The following EPM2A variants were observed in gnomAD, a reference collection of about 807,000 sequenced individuals.
The protein encoded by EPM2A is EPM2A glucan phosphatase, laforin.
Under a neutral mutation model 26.5 loss-of-function variants are expected in EPM2A, and 21 were observed. The ratio of observed to expected loss-of-function variants is 0.79; its 90% CI spans 0.56 to 1.14. The LOEUF is 1.14. EPM2A is among the 50% of genes most tolerant of loss of function. EPM2A has a pLI of 0.00. For missense variants in EPM2A, 458 were observed against 440.8 expected (o/e 1.04, Z -0.35); for synonymous variants, 217 against 177.6 (o/e 1.22, Z -1.76).
rs148104075 is a variant in EPM2A at position 145,395,684 on chromosome 6, G to A, written c.556-11587C>T. Among the ~76,000 whole-genome samples the A allele has an allele frequency of 1.2e-3, 190 of 152,032 alleles. 1 individual carries two copies. The Middle Eastern group carries it at 0.031, about 24-fold the overall frequency. ...AGCTCACTGTAACCTCCTTAACCCC[G>A]GCACCTTCTTTCCTTTACCAGAAGA... On this transcript the variant is annotated intron_variant, in intron 4 of 4. Coordinates refer to the EPM2A transcript ENST00000638717.
At chr6:145,524,365 T>G (rs779878386) in intron 2 of EPM2A, among the ~76,000 whole-genome samples, 2 of 152,168 alleles carry the variant, frequency 1.3e-5, no homozygotes, top group Admixed American at 6.5e-5. Flanking sequence ...TCCAAACTGC[T>G]CTCCACAATG....
intron 1 of EPM2A, among the ~76,000 whole-genome samples, chr6:145,692,573 TC>T (rs1781343199): frequency 6.6e-6 from 1 of 152,106 alleles, no homozygotes; most frequent in Non-Finnish European, 1.5e-5. Context: ...AGGTTTTTAA[TC>T]TGTTTTGTGT....
rs544392428 is a variant in EPM2A, at chr6:145,717,582, G to A, written c.301+17616C>T. 1.4e-4 allele frequency among the ~76,000 whole-genome samples: 22 copies of A among 152,210 alleles called. 1 individual carries two copies. In the South Asian group the frequency reaches 1.9e-3, roughly 13 times the overall value. On this transcript the variant is annotated intron_variant, in intron 1 of 3. Transcript: ENST00000367519. ...CAAGACAGGGATGCCCTCTCTCACCGCTCCTATTCAACATAGTGTTGGAAG... is the reference window on the plus strand; with the variant it reads ...CAAGACAGGGATGCCCTCTCTCACCACTCCTATTCAACATAGTGTTGGAAG...
intron 3 of EPM2A, chr6:145,633,649 C>T (rs1014656607): frequency 2.0e-5 from 3 of 152,208 alleles, no homozygotes; most frequent in South Asian, 2.1e-4. Flanking sequence ...GGTCCAGAAA[C>T]GTAGATTTCC....
At chr6:145,671,350 A>T (rs2128599462) in intron 2 of EPM2A, 1 of 1,006,656 alleles carries the variant, frequency 9.9e-7, no homozygotes, top group African/African-American at 1.7e-5. Flanking sequence ...AAAATGAGGG[A>T]AAGCACCATC....
chr6:145,588,485 T>G (rs1364253987), intron 2 of EPM2A, among the ~76,000 whole-genome samples: 1 of 152,202 alleles, frequency 6.6e-6, no homozygotes, highest in Non-Finnish European at 1.5e-5. Context: ...AATTCAAAAA[T>G]TAATTCAAAG....
chr6:145,416,752 C>T (rs901883318), intron 4 of EPM2A, among the ~76,000 whole-genome samples: 8 of 151,990 alleles, frequency 5.3e-5, no homozygotes, highest in African/African-American at 1.9e-4. Context: ...ACACAATATA[C>T]TTTTATTTTT....
At chr6:145,578,935 G>A (rs893190267) in intron 2 of EPM2A, among the ~76,000 whole-genome samples, 2 of 151,972 alleles carry the variant, frequency 1.3e-5, no homozygotes, top group African/African-American at 4.8e-5. Context: ...CTCACTCATA[G>A]GTGGGAATTG....
chr6:145,518,261 C>A (rs78742926), intron 2 of EPM2A, among the ~76,000 whole-genome samples: 1 of 152,160 alleles, frequency 6.6e-6, no homozygotes, highest in East Asian at 1.9e-4. Flanking sequence ...ATGTTCTCAG[C>A]GAGAAAAGTT....
At chr6:145,672,946 T>C (rs1779755014) in intron 2 of EPM2A, among the ~76,000 whole-genome samples, 1 of 152,172 alleles carries the variant, frequency 6.6e-6, no homozygotes, top group Admixed American at 6.5e-5. Context: ...ATCTATATAC[T>C]CAGAGCCTCT....
chr6:145,690,233 G>A (rs1458750533), intron 1 of EPM2A, among the ~76,000 whole-genome samples: 4 of 152,100 alleles, frequency 2.6e-5, no homozygotes, highest in East Asian at 1.9e-4. Flanking sequence ...ACCTCAGGCC[G>A]GGCACGGTGG....
At chr6:145,422,350 T>C (rs2114684691) in intron 4 of EPM2A, among the ~76,000 whole-genome samples, 1 of 149,168 alleles carries the variant, frequency 6.7e-6, no homozygotes, top group South Asian at 2.1e-4. Flanking sequence ...TAATTAGATA[T>C]AATATGAAAG....
intron 2 of EPM2A, among the ~76,000 whole-genome samples, chr6:145,534,780 C>G (rs1780407818): frequency 1.3e-5 from 2 of 152,192 alleles, no homozygotes; most frequent in Non-Finnish European, 1.5e-5. Context: ...ATCTAGGAAA[C>G]TACATCCCTC....
At chr6:145,696,643 A>T (rs923486982) in intron 1 of EPM2A, among the ~76,000 whole-genome samples, 12 of 152,180 alleles carry the variant, frequency 7.9e-5, no homozygotes, top group Non-Finnish European at 1.6e-4. Flanking sequence ...AGAATTAGAG[A>T]TAACAGGGTT....
chr6:145,491,203 G>A, intron 4 of EPM2A: 3 of 436,392 alleles, frequency 6.9e-6, no homozygotes, highest in South Asian at 1.9e-5. Flanking sequence ...AATTTTCCCC[G>A]ACCCCTTCAT....
chr6:145,614,807 T>C (rs1402859603), intron 2 of EPM2A, among the ~76,000 whole-genome samples: 3 of 152,114 alleles, frequency 2.0e-5, no homozygotes, highest in East Asian at 1.9e-4. Flanking sequence ...CAAATCACCA[T>C]AGTAGATAGA....
chr6:145,472,532 A>G lies in EPM2A; in HGVS notation c.555+29990T>C, dbSNP rs111926579. On this transcript the variant is annotated intron_variant, in intron 4 of 4. Coordinates refer to the EPM2A transcript ENST00000638717. ...GCTGCCCTAAGCCAGAGGGGAGACC[A>G]CTGCCCTGAAGAGTGAGTTCTGGGC... Among the ~76,000 whole-genome samples, 177 of 152,126 alleles carry G rather than the reference A, an allele frequency of 1.2e-3. 1 individual carries two copies. Among genetic ancestry groups the G allele is most frequent in the African/African-American group, 3.9e-3 (163 of 41,512 alleles).
In EPM2A at chr6:145,471,509, C is replaced by T. The variant is rs76802751; in HGVS notation, c.555+31013G>A. Among the ~76,000 whole-genome samples the T allele has an allele frequency of 3.9e-3, 597 of 152,058 alleles. 8 individuals are homozygous for T. The highest frequency in any genetic ancestry group is 5.9e-3 in the Non-Finnish European group (399 of 67,962). ...TTCATATCTCTGAGAGAGGCACTGA[C>T]GAGATAAAAAAGACAGTAAGACAGT... On this transcript the variant is annotated intron_variant, in intron 4 of 4. Transcript: ENST00000638717.
chr6:145,628,196 T>C (rs1775971437), intron 3 of EPM2A: 1 of 166,956 alleles, frequency 6.0e-6, no homozygotes, highest in Admixed American at 5.6e-5. Flanking sequence ...ACACTCATTT[T>C]CATTTGTTCA....
Sources: gnomAD v4.1 joint callset for allele counts (sites outside exome capture counted in the v4.1 genomes callset) on GRCh38, gnomAD v4.1.1 for gene constraint, MANE v1.5 for transcripts, NCBI Gene and HGNC (gene_info 2026-07-23, HGNC 2026-07-21) for gene names.